Variants in FRMD4A observed in about 807,000 individuals in gnomAD.
FRMD4A encodes the protein FERM domain-containing protein 4A.
In FRMD4A, 29 loss-of-function variants were observed where a neutral mutation model predicts 129.1. The observed-to-expected ratio is 0.22, with a 90% CI of 0.17 to 0.31. FRMD4A has a LOEUF of 0.31. Ranked by LOEUF, FRMD4A falls within the 10% of genes least tolerant of loss-of-function variation. The pLI is 1.00. For missense variants in FRMD4A, 1,272 were observed against 1,375.8 expected (o/e 0.92, Z 1.19); for synonymous variants, 634 against 571.6 (o/e 1.11, Z -1.56).
intron 2 of FRMD4A, among the ~76,000 whole-genome samples, chr10:14,065,475 C>G (rs1277888670): frequency 2.6e-5 from 4 of 152,146 alleles, no homozygotes; most frequent in African/African-American, 2.4e-5. Context: ...GCCACCATAC[C>G]CGGCCCTAAT....
At chr10:13,981,811 G>A (rs1428071841) in intron 2 of FRMD4A, among the ~76,000 whole-genome samples, 1 of 151,034 alleles carries the variant, frequency 6.6e-6, no homozygotes, top group African/African-American at 2.4e-5. Flanking sequence ...CCCTGTGACT[G>A]CAATTTTCTG....
At chr10:13,726,464 C>T (rs780119735) in intron 12 of FRMD4A, among the ~76,000 whole-genome samples, 14 of 152,120 alleles carry the variant, frequency 9.2e-5, no homozygotes, top group African/African-American at 3.1e-4. Flanking sequence ...AGCAAAACAA[C>T]GAAGTAGGAT....
At chr10:14,210,868 C>T (rs1842916648) in intron 2 of FRMD4A, among the ~76,000 whole-genome samples, 1 of 152,188 alleles carries the variant, frequency 6.6e-6, no homozygotes. Flanking sequence ...GCTGGGACTA[C>T]AGGTGCATGC....
chr10:13,783,290 C>T (rs1401372925), intron 5 of FRMD4A, among the ~76,000 whole-genome samples: 1 of 152,222 alleles, frequency 6.6e-6, no homozygotes, highest in Non-Finnish European at 1.5e-5. Flanking sequence ...CCTCTGATTT[C>T]TTTGTCCTAT....
chr10:14,121,572 C>G (rs958970536), intron 2 of FRMD4A, among the ~76,000 whole-genome samples: 1 of 152,108 alleles, frequency 6.6e-6, no homozygotes, highest in African/African-American at 2.4e-5. Flanking sequence ...GAGTGAATGC[C>G]ACTGAGAGGT....
intron 2 of FRMD4A, among the ~76,000 whole-genome samples, chr10:14,152,116 G>GTT (rs1840367786): frequency 3.1e-5 from 3 of 98,114 alleles, no homozygotes; most frequent in African/African-American, 1.3e-4. Context: ...TTTGTGTAGT[G>GTT]CTTTTTTTTT....
chr10:13,755,368 G>C (rs2091816123), intron 8 of FRMD4A, among the ~76,000 whole-genome samples: 1 of 152,066 alleles, frequency 6.6e-6, no homozygotes, highest in Non-Finnish European at 1.5e-5. Context: ...AGATTTCAAA[G>C]AAAGAAAGAG....
intron 2 of FRMD4A, among the ~76,000 whole-genome samples, chr10:14,305,070 C>T (rs143478445): frequency 7.4e-4 from 113 of 152,322 alleles, no homozygotes; most frequent in African/African-American, 2.4e-3. Flanking sequence ...CCTTAGGGTC[C>T]GCTTCTGGGG....
intron 2 of FRMD4A, among the ~76,000 whole-genome samples, chr10:14,047,881 G>A (rs1404873722): frequency 6.6e-6 from 1 of 152,178 alleles, no homozygotes; most frequent in Non-Finnish European, 1.5e-5. Flanking sequence ...TGCAGGGCCT[G>A]TGTAGACTAT....
chr10:13,737,803 G>A, intron 12 of FRMD4A, 41 bp downstream of exon 12: 1 of 1,064,822 alleles, frequency 9.4e-7, no homozygotes, highest in Non-Finnish European at 1.5e-6. Context: ...TTCCTCTCTG[G>A]ATCTGAGAGG....
chr10:14,129,169 C>T (rs988656995), intron 2 of FRMD4A, among the ~76,000 whole-genome samples: 1 of 151,682 alleles, frequency 6.6e-6, no homozygotes, highest in Non-Finnish European at 1.5e-5. Flanking sequence ...ATCTCAATAG[C>T]CTCTAATCAT....
chr10:13,865,831 T>C (rs934911584), intron 2 of FRMD4A, among the ~76,000 whole-genome samples: 1 of 151,994 alleles, frequency 6.6e-6, no homozygotes, highest in Non-Finnish European at 1.5e-5. Context: ...AAAAAAATAG[T>C]CAATTGACAC....
intron 21 of FRMD4A, among the ~76,000 whole-genome samples, chr10:13,659,108 C>A (rs1196630876): frequency 6.6e-6 from 1 of 152,140 alleles, no homozygotes; most frequent in Non-Finnish European, 1.5e-5. Flanking sequence ...TCCAGAAGCC[C>A]GGGGATTCTT....
intron 2 of FRMD4A, among the ~76,000 whole-genome samples, chr10:14,248,395 G>A (rs753949193): frequency 6.6e-6 from 1 of 152,160 alleles, no homozygotes; most frequent in Non-Finnish European, 1.5e-5. Context: ...TAGAAATAGT[G>A]CCTTTTTCCA....
At chr10:13,811,627 A>G (rs1314407061) in intron 3 of FRMD4A, among the ~76,000 whole-genome samples, 3 of 151,616 alleles carry the variant, frequency 2.0e-5, no homozygotes, top group African/African-American at 4.8e-5. Flanking sequence ...AGCGTTAGGC[A>G]TAAAGTCATG....
chr10:13,973,571 T>G (rs2095529227), intron 2 of FRMD4A, among the ~76,000 whole-genome samples: 1 of 152,208 alleles, frequency 6.6e-6, no homozygotes, highest in Non-Finnish European at 1.5e-5. Flanking sequence ...CATAATTTTA[T>G]TCCTGTGTAC....
chr10:14,128,829 C>T lies in FRMD4A; in HGVS notation c.45+201229G>A, dbSNP rs543286244. Among the ~76,000 whole-genome samples, 4 of 152,190 alleles carry T rather than the reference C, an allele frequency of 2.6e-5. No homozygotes were observed. The South Asian group carries it at 8.3e-4, about 32-fold the overall frequency. ...CAGCATGGCCTCAGCACTCCTTTAA[C>T]CTCACTTCCTTCCATCTGCCCTACA... On this transcript the variant is annotated intron_variant, in intron 2 of 24. Coordinates refer to ENST00000357447, the MANE Select transcript of FRMD4A (RefSeq NM_018027.5).
At chr10:14,329,915 G>C in intron 2 of FRMD4A, 143 bp downstream of exon 2, 1 of 753,700 alleles carries the variant, frequency 1.3e-6, no homozygotes, top group Non-Finnish European at 2.2e-6. Context: ...TCTGACCCAA[G>C]AAAGCATTTC....
intron 12 of FRMD4A, among the ~76,000 whole-genome samples, chr10:13,735,754 A>G (rs1025085465): frequency 2.0e-5 from 3 of 152,212 alleles, no homozygotes; most frequent in Non-Finnish European, 4.4e-5. Context: ...GTCTTCCACC[A>G]CTACAGGCAA....
Sources: allele counts gnomAD v4.1 joint callset (sites outside exome capture counted in the v4.1 genomes callset), GRCh38; gene constraint gnomAD v4.1.1; transcripts MANE v1.5; gene names NCBI Gene and HGNC (gene_info 2026-07-23, HGNC 2026-07-21).